Variants in GPC6 observed in about 807,000 individuals in gnomAD.
The protein encoded by GPC6 is glypican-6.
Under a neutral mutation model 55.2 loss-of-function variants are expected in GPC6, and 14 were observed. That is an observed-to-expected ratio of 0.25 (90% CI 0.17 to 0.40). The LOEUF is 0.40. Among genes scored for constraint, GPC6 ranks in the 10% least tolerant of loss-of-function variants. The pLI is 1.00. For missense variants in GPC6, 641 were observed against 708.5 expected, an observed-to-expected ratio of 0.90 and a Z score of 1.08; for synonymous variants, 278 against 259.6, an observed-to-expected ratio of 1.07 and a Z score of -0.68.
intron 3 of GPC6, among the ~76,000 whole-genome samples, chr13:93,852,224 C>A (rs1162746660): frequency 6.6e-6 from 1 of 151,726 alleles, no homozygotes; most frequent in African/African-American, 2.4e-5. Flanking sequence ...AAGGAACACA[C>A]ATGGAAGTCA....
chr13:94,140,699 T>G (rs1300074033), intron 4 of GPC6, among the ~76,000 whole-genome samples: 1 of 152,154 alleles, frequency 6.6e-6, no homozygotes, highest in African/African-American at 2.4e-5. Context: ...TAGATGGCTG[T>G]CTTCCAGGTC....
At chr13:94,272,267 G>A (rs911274310) in intron 4 of GPC6, among the ~76,000 whole-genome samples, 2 of 151,754 alleles carry the variant, frequency 1.3e-5, no homozygotes, top group Admixed American at 6.6e-5. Context: ...TTCCATGTAG[G>A]TTGCAAGCCC....
chr13:94,357,003 C>A (rs769719012), intron 6 of GPC6, among the ~76,000 whole-genome samples: 65 of 152,108 alleles, frequency 4.3e-4, no homozygotes, highest in Non-Finnish European at 4.7e-4. Context: ...AACAAGACAC[C>A]ACTCGTCTGT....
At chr13:94,374,819 C>G (rs1879761886) in intron 6 of GPC6, among the ~76,000 whole-genome samples, 1 of 126,782 alleles carries the variant, frequency 7.9e-6, no homozygotes, top group Non-Finnish European at 1.6e-5. Context: ...AAGTAAAGCT[C>G]TCCTCAGCAA....
At chr13:93,358,205 G>A (rs1389716377) in intron 1 of GPC6, among the ~76,000 whole-genome samples, 1 of 152,080 alleles carries the variant, frequency 6.6e-6, no homozygotes, top group Non-Finnish European at 1.5e-5. Flanking sequence ...AATTACCTGG[G>A]TGTGCTGGTG....
chr13:94,236,487 T>C (rs1890879773), intron 4 of GPC6, among the ~76,000 whole-genome samples: 1 of 152,124 alleles, frequency 6.6e-6, no homozygotes, highest in Non-Finnish European at 1.5e-5. Context: ...ACAGTGCCTG[T>C]TTTCAGAACA....
intron 1 of GPC6, among the ~76,000 whole-genome samples, chr13:93,416,669 A>G (rs1876709103): frequency 6.6e-6 from 1 of 152,038 alleles, no homozygotes; most frequent in African/African-American, 2.4e-5. Flanking sequence ...TTTGGAACCC[A>G]TTAACCTTCT....
At chr13:94,347,575 T>A (rs1400108276) in intron 6 of GPC6, among the ~76,000 whole-genome samples, 1 of 152,196 alleles carries the variant, frequency 6.6e-6, no homozygotes, top group African/African-American at 2.4e-5. Context: ...ATTTTTTAAA[T>A]CACCTATAGA....
At chr13:93,957,723 C>G (rs1376461156) in intron 3 of GPC6, among the ~76,000 whole-genome samples, 1 of 152,128 alleles carries the variant, frequency 6.6e-6, no homozygotes, top group Non-Finnish European at 1.5e-5. Flanking sequence ...ATCTATTTTC[C>G]TTTGAGTATA....
chr13:93,615,512 T>C (rs770320814), intron 2 of GPC6, among the ~76,000 whole-genome samples: 57 of 152,176 alleles, frequency 3.7e-4, no homozygotes, highest in Non-Finnish European at 6.0e-4. Flanking sequence ...TCCTTTGTCC[T>C]ACCTATTCAG....
At chr13:94,302,485 A>G (rs1375061686) in intron 5 of GPC6, among the ~76,000 whole-genome samples, 1 of 152,232 alleles carries the variant, frequency 6.6e-6, no homozygotes, top group Non-Finnish European at 1.5e-5. Context: ...TGGAGGACAC[A>G]AATATTCAGA....
chr13:94,043,117 T>C (rs992939237), intron 4 of GPC6, among the ~76,000 whole-genome samples: 1 of 151,812 alleles, frequency 6.6e-6, no homozygotes, highest in African/African-American at 2.4e-5. Context: ...TTTTTACCAT[T>C]ACAAGATATA....
intron 2 of GPC6, among the ~76,000 whole-genome samples, chr13:93,550,373 G>C (rs183291607): frequency 5.9e-5 from 9 of 151,822 alleles, no homozygotes; most frequent in African/African-American, 2.2e-4. Flanking sequence ...ATGTGTTCTT[G>C]GTCTTATTAT....
intron 4 of GPC6, among the ~76,000 whole-genome samples, chr13:94,075,755 G>A (rs991281857): frequency 4.6e-5 from 7 of 152,038 alleles, no homozygotes; most frequent in African/African-American, 1.4e-4. Flanking sequence ...TTAGCATAAT[G>A]TCTTCAAGGT....
chr13:94,166,599 G>A (rs922381419), intron 4 of GPC6, among the ~76,000 whole-genome samples: 5 of 152,100 alleles, frequency 3.3e-5, no homozygotes, highest in African/African-American at 1.2e-4. Context: ...TTTCAAATCA[G>A]CCCCCTCCCC....
At chr13:94,325,618 T>C (rs927792920) in intron 6 of GPC6, among the ~76,000 whole-genome samples, 27 of 152,344 alleles carry the variant, frequency 1.8e-4, no homozygotes, top group African/African-American at 6.5e-4. Flanking sequence ...TCAGCATAAG[T>C]TATTTAAAAG....
intron 3 of GPC6, among the ~76,000 whole-genome samples, chr13:93,853,846 A>C (rs1315714214): frequency 4.6e-5 from 7 of 151,738 alleles, no homozygotes; most frequent in Non-Finnish European, 1.5e-5. Flanking sequence ...CGGGAATTAA[A>C]TACTATATAT....
At chr13:93,418,577 C>T (rs1176667493) in intron 1 of GPC6, among the ~76,000 whole-genome samples, 3 of 150,514 alleles carry the variant, frequency 2.0e-5, no homozygotes, top group Admixed American at 1.3e-4. Context: ...AGCACTATAC[C>T]ATAGTATCAT....
Position 94,398,446 on chromosome 13 carries a change from T to A in GPC6, c.1290-20T>A, listed in dbSNP as rs754086816. ...TCTGTGGCATCTCCCTGAGGTGTTC[T>A]CTCACTCTCTGCCTTGCAGATACTT... On this transcript the variant is annotated intron_variant, in intron 7 of 8. Coordinates refer to ENST00000377047, the MANE Select transcript of GPC6 (RefSeq NM_005708.5). The A allele has an allele frequency of 1.3e-6, 2 of 1,595,824 alleles. No homozygotes were observed. Among genetic ancestry groups the A allele is most frequent in the South Asian group, 2.2e-5 (2 of 90,686 alleles).
Sources: allele counts gnomAD v4.1 joint callset (sites outside exome capture counted in the v4.1 genomes callset), GRCh38; gene constraint gnomAD v4.1.1; transcripts MANE v1.5; gene names NCBI Gene and HGNC (gene_info 2026-07-23, HGNC 2026-07-21).